Variants in SLC24A2 observed in about 807,000 individuals in gnomAD.
SLC24A2 encodes solute carrier family 24 member 2.
Under a neutral mutation model 62.0 loss-of-function variants are expected in SLC24A2, and 36 were observed. The observed-to-expected ratio is 0.58, with a 90% CI of 0.44 to 0.77. The LOEUF (loss-of-function observed/expected upper bound fraction) is 0.77. Among genes scored for constraint, SLC24A2 ranks in the 30% least tolerant of loss-of-function variants. SLC24A2 has a pLI of 0.00. For synonymous variants in SLC24A2, 358 were observed against 294.0 expected (o/e 1.22, Z -2.23); for missense variants, 846 against 817.9 (o/e 1.03, Z -0.42).
At chr9:19,966,167 T>C in the SLC24A2 span, among the ~76,000 whole-genome samples, 37,608 of 152,096 alleles carry the variant, frequency 0.25, 5,714 homozygotes, top group Admixed American at 0.39. Flanking sequence ...AGCGTCCATA[T>C]AGCATTTTGG....
At chr9:19,931,717 C>T in the SLC24A2 span, among the ~76,000 whole-genome samples, 1 of 152,174 alleles carries the variant, frequency 6.6e-6, no homozygotes, top group Admixed American at 6.5e-5. Context: ...ATGTCCACAA[C>T]ACCCCTCAGT....
the SLC24A2 span, among the ~76,000 whole-genome samples, chr9:20,236,070 T>C: frequency 3.3e-5 from 5 of 152,168 alleles, no homozygotes; most frequent in Admixed American, 3.3e-4. Flanking sequence ...TATAGAAGGT[T>C]TCATTAGAAC....
the SLC24A2 span, among the ~76,000 whole-genome samples, chr9:20,206,891 G>A: frequency 2.0e-5 from 3 of 147,682 alleles, no homozygotes; most frequent in African/African-American, 2.5e-5. Flanking sequence ...TGGGGGGGGC[G>A]GTTACGGATC....
chr9:20,057,849 T>G, the SLC24A2 span, among the ~76,000 whole-genome samples: 8 of 152,290 alleles, frequency 5.3e-5, no homozygotes, highest in South Asian at 1.0e-3. Flanking sequence ...TAGAGAATAT[T>G]TGACTTTTAC....
chr9:20,034,472 T>A, the SLC24A2 span, among the ~76,000 whole-genome samples: 1 of 143,424 alleles, frequency 7.0e-6, no homozygotes, highest in Non-Finnish European at 1.5e-5. Context: ...TTTTTTTTTT[T>A]TTTTTGAGAC....
intron 8 of SLC24A2, 68 bp downstream of exon 8, chr9:19,550,069 G>T: frequency 6.6e-7 from 1 of 1,515,306 alleles, no homozygotes; most frequent in Non-Finnish European, 9.2e-7. Flanking sequence ...ACAAACTGAA[G>T]CAGACTATGC....
At chr9:19,570,899 G>A (rs1200207429) in intron 7 of SLC24A2, among the ~76,000 whole-genome samples, 1 of 152,190 alleles carries the variant, frequency 6.6e-6, no homozygotes, top group Non-Finnish European at 1.5e-5. Context: ...GATTGTAAGT[G>A]AAGACCTGAT....
At chr9:20,136,004 C>T in the SLC24A2 span, among the ~76,000 whole-genome samples, 16 of 152,220 alleles carry the variant, frequency 1.1e-4, no homozygotes, top group Middle Eastern at 6.8e-3. Flanking sequence ...AGATACTAGG[C>T]TGGTGGCTGG....
At chr9:19,522,336 TTGG>T (rs1480932206) in intron 9 of SLC24A2, among the ~76,000 whole-genome samples, 2 of 152,194 alleles carry the variant, frequency 1.3e-5, no homozygotes, top group Non-Finnish European at 2.9e-5. Context: ...TTTGCTGGAC[TTGG>T]TGAAGTGTGG....
At chr9:19,659,134 TAGA>T (rs1360552699) in intron 2 of SLC24A2, among the ~76,000 whole-genome samples, 2 of 152,144 alleles carry the variant, frequency 1.3e-5, no homozygotes, top group Non-Finnish European at 2.9e-5. Context: ...GTCGAGTCCT[TAGA>T]AGAAGATGGT....
intron 2 of SLC24A2, among the ~76,000 whole-genome samples, chr9:19,780,783 G>C (rs1160517707): frequency 1.3e-5 from 2 of 149,128 alleles, no homozygotes; most frequent in East Asian, 4.0e-4. Context: ...TGAGGCAGGA[G>C]AATGGCGTGA....
At chr9:20,123,927 G>A in the SLC24A2 span, among the ~76,000 whole-genome samples, 249 of 152,196 alleles carry the variant, frequency 1.6e-3, no homozygotes, top group Non-Finnish European at 3.1e-3. Context: ...GTGCTCACTA[G>A]CATTTTGAAA....
At chr9:20,007,607 G>C in the SLC24A2 span, among the ~76,000 whole-genome samples, 1 of 152,028 alleles carries the variant, frequency 6.6e-6, no homozygotes, top group Non-Finnish European at 1.5e-5. Flanking sequence ...TGAAAAATCT[G>C]AATGCAATGG....
At chr9:20,103,168 C>A in the SLC24A2 span, among the ~76,000 whole-genome samples, 2 of 152,210 alleles carry the variant, frequency 1.3e-5, no homozygotes, top group African/African-American at 4.8e-5. Flanking sequence ...ATTGCCCAGG[C>A]TTGCTTAGGT....
chr9:20,163,212 G>A, the SLC24A2 span, among the ~76,000 whole-genome samples: 3 of 152,122 alleles, frequency 2.0e-5, no homozygotes, highest in African/African-American at 7.2e-5. Flanking sequence ...CAGATGACAT[G>A]ATTTTATATC....
the SLC24A2 span, among the ~76,000 whole-genome samples, chr9:20,116,468 T>C: frequency 6.6e-6 from 1 of 152,182 alleles, no homozygotes; most frequent in African/African-American, 2.4e-5. Context: ...ACATCATCCA[T>C]CATAACAACG....
the SLC24A2 span, among the ~76,000 whole-genome samples, chr9:20,136,990 T>C: frequency 9.7e-4 from 148 of 152,292 alleles, 1 homozygote; most frequent in African/African-American, 3.4e-3. Context: ...TTAAGAGAGA[T>C]AATGCTCTCT....
the SLC24A2 span, among the ~76,000 whole-genome samples, chr9:20,208,065 G>GT: frequency 9.5e-3 from 1,453 of 152,252 alleles, 25 homozygotes; most frequent in African/African-American, 0.032. Context: ...ACACAAGTAA[G>GT]TATGTAAGTG....
the SLC24A2 span, among the ~76,000 whole-genome samples, chr9:20,176,252 A>G: frequency 6.6e-6 from 1 of 151,992 alleles, no homozygotes; most frequent in Admixed American, 6.6e-5. Context: ...GCCCCAATTG[A>G]GCCATTTCTG....
Sources: gnomAD v4.1 joint callset for allele counts (sites outside exome capture counted in the v4.1 genomes callset) on GRCh38, gnomAD v4.1.1 for gene constraint, MANE v1.5 for transcripts, NCBI Gene and HGNC (gene_info 2026-07-23, HGNC 2026-07-21) for gene names.